FAM117B: variants seen among roughly 807,000 people sequenced by gnomAD.
FAM117B encodes family with sequence similarity 117 member B, also known as protein FAM117B.
A neutral mutation model predicts 52.8 loss-of-function variants in FAM117B; 22 were observed. The observed-to-expected ratio is 0.42, with a 90% CI of 0.30 to 0.59. The LOEUF is 0.59. FAM117B is among the 20% of genes least tolerant of loss of function. The pLI is 0.22. For synonymous variants in FAM117B, 309 were observed against 324.1 expected (o/e 0.95, Z 0.50); for missense variants, 678 against 802.6 (o/e 0.84, Z 1.88).
At chr2:202,699,797 A>C (rs1690769872) in intron 2 of FAM117B, among the ~76,000 whole-genome samples, 1 of 152,130 alleles carries the variant, frequency 6.6e-6, no homozygotes, top group African/African-American at 2.4e-5. Flanking sequence ...GTGTTTTTTT[A>C]CAAATTGAAG....
chr2:202,744,857 AT>A (rs1691606076), intron 4 of FAM117B, among the ~76,000 whole-genome samples: 1 of 151,188 alleles, frequency 6.6e-6, no homozygotes, highest in South Asian at 2.1e-4. Context: ...GGTTCCTGTA[AT>A]CCCAGCTACT....
At chr2:202,727,779 G>C (rs1363168303) in intron 4 of FAM117B, among the ~76,000 whole-genome samples, 1 of 152,140 alleles carries the variant, frequency 6.6e-6, no homozygotes, top group African/African-American at 2.4e-5. Flanking sequence ...TCTGGTTCAC[G>C]AAGCCTAAAA....
At chr2:202,635,882 C>A in intron 1 of FAM117B, 94 bp downstream of exon 1, 2 of 1,135,774 alleles carry the variant, frequency 1.8e-6, no homozygotes, top group Non-Finnish European at 2.2e-6. Flanking sequence ...AGAGCTGCCG[C>A]GGAGCCCGGG....
intron 1 of FAM117B, among the ~76,000 whole-genome samples, chr2:202,670,309 G>A (rs956713517): frequency 6.5e-5 from 9 of 137,812 alleles, no homozygotes; most frequent in African/African-American, 2.7e-4. Flanking sequence ...CTTTTTTTTT[G>A]AGATGGAGTC....
At chr2:202,692,520 T>G (rs992414870) in intron 1 of FAM117B, among the ~76,000 whole-genome samples, 1 of 152,218 alleles carries the variant, frequency 6.6e-6, no homozygotes, top group African/African-American at 2.4e-5. Flanking sequence ...GGACAAAATT[T>G]CAAAATATAA....
chr2:202,737,376 C>T (rs915736265), intron 4 of FAM117B, among the ~76,000 whole-genome samples: 3 of 152,060 alleles, frequency 2.0e-5, no homozygotes, highest in Non-Finnish European at 4.4e-5. Context: ...TATACCACCA[C>T]CACTATAGTC....
intron 7 of FAM117B, among the ~76,000 whole-genome samples, chr2:202,761,878 C>CT (rs76226360): frequency 6.1e-4 from 87 of 143,208 alleles, no homozygotes; most frequent in East Asian, 1.0e-3. Flanking sequence ...TAAACCTATT[C>CT]TTTTTTTTTT....
chr2:202,728,986 C>T (rs985295240), intron 4 of FAM117B, among the ~76,000 whole-genome samples: 2 of 152,166 alleles, frequency 1.3e-5, no homozygotes, highest in African/African-American at 4.8e-5. Context: ...TATCAGCCAA[C>T]CGCAAGTCAG....
intron 7 of FAM117B, among the ~76,000 whole-genome samples, chr2:202,762,877 T>TG (rs1265594956): frequency 1.3e-5 from 2 of 152,092 alleles, no homozygotes; most frequent in Non-Finnish European, 2.9e-5. Context: ...AAGTTATTAC[T>TG]GTTTACATTA....
Position 202,755,579 on chromosome 2 carries a change from C to T in FAM117B, c.1002C>T (p.Ile334=). 3 of 1,614,148 alleles carry T rather than the reference C, an allele frequency of 1.9e-6. No individual in the cohort carries two copies. The highest frequency in any genetic ancestry group is 1.7e-6 in the Non-Finnish European group (2 of 1,180,008). ...PKSALIPVIP[I]TKSTGSRFRN... is the part of the protein sequence containing the mutation. ...GTGCACTTATTCCTGTAATTCCCATCACCAAATCAACAGGCTCCCGGTTCC... is the reference window on the plus strand; with the variant it reads ...GTGCACTTATTCCTGTAATTCCCATTACCAAATCAACAGGCTCCCGGTTCC... The change falls in exon 5 of 8, where the codon ATC becomes ATT. Residue 334 remains isoleucine, a synonymous_variant. Coordinates refer to ENST00000392238, the MANE Select transcript of FAM117B (RefSeq NM_173511.4).
intron 1 of FAM117B, among the ~76,000 whole-genome samples, chr2:202,686,805 C>CA (rs201803878): frequency 0.21 from 27,072 of 127,616 alleles, 3,086 homozygotes; most frequent in South Asian, 0.41. Flanking sequence ...GAGATTCGGT[C>CA]AAAAAAAAAA....
chr2:202,754,196 T>TA (rs1366250817), intron 4 of FAM117B, among the ~76,000 whole-genome samples: 1 of 152,060 alleles, frequency 6.6e-6, no homozygotes, highest in Non-Finnish European at 1.5e-5. Flanking sequence ...TATGCAGCCA[T>TA]AAAAAGGAAT....
chr2:202,729,012 G>C (rs1208252913), intron 4 of FAM117B, among the ~76,000 whole-genome samples: 1 of 152,144 alleles, frequency 6.6e-6, no homozygotes, highest in Non-Finnish European at 1.5e-5. Context: ...TGTGCATCAT[G>C]ATAGTAATGA....
At chr2:202,734,424 A>T (rs1208759533) in intron 4 of FAM117B, among the ~76,000 whole-genome samples, 1 of 152,240 alleles carries the variant, frequency 6.6e-6, no homozygotes, top group Non-Finnish European at 1.5e-5. Context: ...GGTATTATAC[A>T]TTATATTCTA....
chr2:202,641,355 A>C (rs1198684069), intron 1 of FAM117B, among the ~76,000 whole-genome samples: 4 of 152,206 alleles, frequency 2.6e-5, no homozygotes, highest in Non-Finnish European at 5.9e-5. Context: ...GAGAGCGGAA[A>C]TAGTAGAGAA....
At chr2:202,646,424 C>T (rs899445694) in intron 1 of FAM117B, among the ~76,000 whole-genome samples, 1 of 152,194 alleles carries the variant, frequency 6.6e-6, no homozygotes, top group African/African-American at 2.4e-5. Context: ...CAGGGACTCC[C>T]AAAAGTAGGT....
chr2:202,641,177 AT>A (rs1326051607), intron 1 of FAM117B, among the ~76,000 whole-genome samples: 1 of 152,246 alleles, frequency 6.6e-6, no homozygotes, highest in Non-Finnish European at 1.5e-5. Flanking sequence ...AGAGTGAATA[AT>A]TCCACAGGGG....
chr2:202,685,937 A>G (rs1224372478), intron 1 of FAM117B, among the ~76,000 whole-genome samples: 2 of 152,252 alleles, frequency 1.3e-5, no homozygotes, highest in Non-Finnish European at 2.9e-5. Context: ...ATTGTAGTCT[A>G]TTAAAATTAA....
intron 1 of FAM117B, among the ~76,000 whole-genome samples, chr2:202,685,004 A>T (rs1434195079): frequency 6.6e-6 from 1 of 151,366 alleles, no homozygotes; most frequent in Non-Finnish European, 1.5e-5. Flanking sequence ...TTTTTTTTTG[A>T]GAGAGTCTTG....
Sources: allele counts gnomAD v4.1 joint callset (sites outside exome capture counted in the v4.1 genomes callset), GRCh38; gene constraint gnomAD v4.1.1; transcripts MANE v1.5; gene names NCBI Gene and HGNC (gene_info 2026-07-23, HGNC 2026-07-21).